SPAG6: variants seen among roughly 807,000 people sequenced by gnomAD.
SPAG6 encodes sperm-associated antigen 6.
In SPAG6, 49 loss-of-function variants were observed where a neutral mutation model predicts 58.5. That is an observed-to-expected ratio of 0.84 (90% CI 0.67 to 1.06). SPAG6 has a LOEUF of 1.06. Ranked by LOEUF, SPAG6 falls within the 50% of genes least tolerant of loss-of-function variation. The pLI is 0.00. For synonymous variants in SPAG6, 233 were observed against 225.6 expected, an observed-to-expected ratio of 1.03 and a Z score of -0.29; for missense variants, 560 against 611.3, an observed-to-expected ratio of 0.92 and a Z score of 0.89.
At chr10:22,405,324 T>G (rs1407639045) in intron 9 of SPAG6, among the ~76,000 whole-genome samples, 1 of 152,084 alleles carries the variant, frequency 6.6e-6, no homozygotes, top group Non-Finnish European at 1.5e-5. Context: ...AATACCTAAT[T>G]TATTGAGAGT....
At chr10:22,397,179 T>TA (rs763433159) in intron 8 of SPAG6, among the ~76,000 whole-genome samples, 1 of 151,922 alleles carries the variant, frequency 6.6e-6, no homozygotes, top group Non-Finnish European at 1.5e-5. Flanking sequence ...ATCTTGTATG[T>TA]AAAAAAATCC....
intron 4 of SPAG6, among the ~76,000 whole-genome samples, chr10:22,374,260 G>A (rs1434197829): frequency 1.3e-5 from 2 of 152,060 alleles, no homozygotes; most frequent in Non-Finnish European, 2.9e-5. Context: ...TGTACTTGAG[G>A]CATTTATGTC....
intron 2 of SPAG6, among the ~76,000 whole-genome samples, chr10:22,363,078 A>G (rs1837088414): frequency 6.6e-6 from 1 of 152,182 alleles, no homozygotes; most frequent in South Asian, 2.1e-4. Flanking sequence ...CAGTTTGGCA[A>G]TTCTTAGTGG....
chr10:22,412,204 T>G (rs1012919979), intron 10 of SPAG6, among the ~76,000 whole-genome samples: 1 of 152,152 alleles, frequency 6.6e-6, no homozygotes, highest in Non-Finnish European at 1.5e-5. Flanking sequence ...TAAAGGCATA[T>G]TTATCTGTAT....
Position 22,350,786 on chromosome 10 carries a change from C to T in SPAG6, c.121+4968C>T, listed in dbSNP as rs547412254. 2.0e-5 allele frequency among the ~76,000 whole-genome samples: 3 copies of T among 152,162 alleles called. No individual in the cohort carries two copies. In the South Asian group the frequency reaches 6.2e-4, roughly 32 times the overall value. ...CAGTATTTTTGTTTTCCCCACTAAA[C>T]CCACTAACTCCATTATGCTATGCAT... On this transcript the variant is annotated intron_variant, in intron 2 of 10. Transcript: ENST00000376624.
intron 4 of SPAG6, among the ~76,000 whole-genome samples, chr10:22,373,300 G>A (rs1046663969): frequency 6.6e-6 from 1 of 152,122 alleles, no homozygotes; most frequent in African/African-American, 2.4e-5. Flanking sequence ...CTGGCAGCCC[G>A]ATTGTTTTCT....
chr10:22,345,851 C>A lies in SPAG6; in HGVS notation c.121+33C>A, dbSNP rs1338804358. 10 of 1,599,872 alleles carry A rather than the reference C, an allele frequency of 6.3e-6. No homozygotes were observed. The highest frequency in any genetic ancestry group is 8.5e-6 in the Non-Finnish European group (10 of 1,173,574). On this transcript the variant is annotated intron_variant, in intron 2 of 10. Transcript: ENST00000376624. The surrounding 1 kb of genome is among the most constrained non-coding windows in gnomAD (Gnocchi z 6.3). ...CGGAGCCCGAACCCCCGTCGCCCCC[C>A]GCGCACTGAGTCCCCGACGCCTCCG...
Position 22,368,634 on chromosome 10 carries a change from A to C in SPAG6, c.428A>C (p.Glu143Ala), listed in dbSNP as rs1178301137. The C allele has an allele frequency of 6.2e-7, 1 of 1,613,948 alleles. No homozygotes were observed. Among genetic ancestry groups the C allele is most frequent in the East Asian group, 2.2e-5 (1 of 44,874 alleles). ...CLEDFDPGVK[E>A]AAAWALRYIA... ...GAAGATTTTGACCCTGGAGTCAAGG[A>C]GGCTGCAGCCTGGGCACTTAGATAT... Residue 143 changes from glutamate (E) to alanine (A), a missense_variant, in exon 4 of 11, where the codon GAG (glutamate) becomes GCG (alanine). Physicochemically the swap from Glu to Ala is moderately radical, Grantham distance 107. Coordinates refer to ENST00000376624, the MANE Select transcript of SPAG6 (RefSeq NM_012443.4).
intron 2 of SPAG6, among the ~76,000 whole-genome samples, chr10:22,362,083 A>G (rs1450491520): frequency 6.9e-6 from 1 of 145,684 alleles, no homozygotes; most frequent in African/African-American, 2.5e-5. Context: ...ATAAATATAT[A>G]TTTATTTTAT....
At chr10:22,357,984 T>C (rs1169411602) in intron 2 of SPAG6, among the ~76,000 whole-genome samples, 1 of 152,140 alleles carries the variant, frequency 6.6e-6, no homozygotes, top group South Asian at 2.1e-4. Flanking sequence ...CAGTCTCTCA[T>C]TGTTGGACAT....
At chr10:22,392,813 T>G (rs769154888) in intron 8 of SPAG6, among the ~76,000 whole-genome samples, 6 of 152,302 alleles carry the variant, frequency 3.9e-5, no homozygotes, top group Admixed American at 6.5e-5. Flanking sequence ...TTATGTATAG[T>G]GAATTATCTA....
At chr10:22,407,678 T>C (rs1214883735) in intron 9 of SPAG6, among the ~76,000 whole-genome samples, 2 of 152,306 alleles carry the variant, frequency 1.3e-5, no homozygotes, top group African/African-American at 2.4e-5. Context: ...AATCTCAATG[T>C]TGGCCTGCCT....
rs1204247551 is a variant in SPAG6, at chr10:22,358,505, C to T, written c.122-6348C>T. Among the ~76,000 whole-genome samples, 15 of 151,368 alleles carry T rather than the reference C, an allele frequency of 9.9e-5. No individual in the cohort carries two copies. The East Asian group carries it at 1.6e-3, about 16-fold the overall frequency. On this transcript the variant is annotated intron_variant, in intron 2 of 10. Transcript: ENST00000376624. The stretch of plus-strand genomic sequence containing the variant: ...AGCCCTTTGTCAGATGAGTAGGTTG[C>T]GAAAATTTTCTCCCATTTTATAGGT...
chr10:22,381,223 G>T (rs1296801196), intron 4 of SPAG6, among the ~76,000 whole-genome samples: 1 of 151,976 alleles, frequency 6.6e-6, no homozygotes, highest in Non-Finnish European at 1.5e-5. Context: ...GTTTTAGAGG[G>T]TGTAAGATTT....
intron 2 of SPAG6, among the ~76,000 whole-genome samples, chr10:22,346,497 TTTCTTC>T (rs1554776509): frequency 1.3e-5 from 1 of 74,378 alleles, no homozygotes; most frequent in Non-Finnish European, 2.8e-5. Context: ...CTTCTTCTTC[TTTCTTC>T]TTCTTCTTCC....
chr10:22,412,392 C>G (rs1046575512), intron 10 of SPAG6: 2 of 982,366 alleles, frequency 2.0e-6, no homozygotes, highest in Non-Finnish European at 3.1e-6. Flanking sequence ...TTTAAAAGCA[C>G]AAAAGCAATT....
chr10:22,385,496 C>T (rs1019120622), intron 4 of SPAG6, among the ~76,000 whole-genome samples: 3 of 152,110 alleles, frequency 2.0e-5, no homozygotes, highest in East Asian at 1.9e-4. Context: ...CCTTTGCCAA[C>T]GAATGTAGTG....
At chr10:22,399,342 C>T (rs764674374) in intron 8 of SPAG6, among the ~76,000 whole-genome samples, 1 of 152,158 alleles carries the variant, frequency 6.6e-6, no homozygotes, top group Non-Finnish European at 1.5e-5. Flanking sequence ...CTCCAGACAA[C>T]TATTAATCTA....
rs115021928 is a variant in SPAG6 at position 22,346,013 on chromosome 10, G to A, written c.121+195G>A. On this transcript the variant is annotated intron_variant, in intron 2 of 10. Transcript: ENST00000376624. ...GCTTCCAGATGGTTGTGGGAGGTGC[G>A]CGTTGTCCCTGTTTCCATCTTCATT... 3,523 of 1,546,428 alleles carry A rather than the reference G, an allele frequency of 2.3e-3. 58 individuals are homozygous for A. In the African/African-American group the frequency reaches 0.04, roughly 18 times the overall value.
Sources: allele counts gnomAD v4.1 joint callset (sites outside exome capture counted in the v4.1 genomes callset), GRCh38; gene constraint gnomAD v4.1.1; non-coding constraint Gnocchi (gnomAD v3.1); transcripts MANE v1.5; gene names NCBI Gene and HGNC (gene_info 2026-07-23, HGNC 2026-07-21).